CNKSR3: variants seen among roughly 807,000 people sequenced by gnomAD.
CNKSR3 encodes the protein connector enhancer of kinase suppressor of ras 3.
CNKSR3 carries 36 observed loss-of-function variants against 67.7 expected under a neutral mutation model. That is an observed-to-expected ratio of 0.53 (90% CI 0.41 to 0.70). CNKSR3 has a LOEUF of 0.70. Ranked by LOEUF, CNKSR3 falls within the 30% of genes least tolerant of loss-of-function variation. CNKSR3 has a pLI of 0.00. For synonymous variants in CNKSR3, 281 were observed against 271.4 expected, an observed-to-expected ratio of 1.04 and a Z score of -0.35; for missense variants, 630 against 695.2, an observed-to-expected ratio of 0.91 and a Z score of 1.05.
rs1469142702 is a variant in CNKSR3 at position 154,402,098 on chromosome 6, CA to C, written c.*4255del. 1 of 152,184 alleles carries C rather than the reference CA, an allele frequency of 6.6e-6. No homozygotes were observed. Among genetic ancestry groups the C allele is most frequent in the Non-Finnish European group, 1.5e-5 (1 of 68,040 alleles). The allele number at this position is 152,184 out of a possible 1,614,324, so 9.4% of individuals were successfully genotyped here. A position where few individuals can be genotyped will look rare whatever the true frequency, so the allele number is the denominator to read the frequency against. On this transcript the variant is annotated 3_prime_UTR_variant, in exon 13 of 13. Coordinates refer to ENST00000607772, the MANE Select transcript of CNKSR3 (RefSeq NM_173515.4). Reference sequence around the variant, plus strand: ...ACTGAAATACTACTTAAGGAGGATACAGGATTTCTTTTAAAATACTTGTTCT... The same window carrying C: ...ACTGAAATACTACTTAAGGAGGATACGGATTTCTTTTAAAATACTTGTTCT...
intron 1 of CNKSR3, among the ~76,000 whole-genome samples, chr6:154,505,692 G>A (rs775907329): frequency 4.0e-5 from 6 of 150,156 alleles, no homozygotes; most frequent in Non-Finnish European, 8.8e-5. Context: ...AGTAGAGATG[G>A]GGTTTCACCA....
chr6:154,438,466 T>C (rs954085160), intron 4 of CNKSR3, among the ~76,000 whole-genome samples: 4 of 152,222 alleles, frequency 2.6e-5, no homozygotes, highest in Non-Finnish European at 5.9e-5. Flanking sequence ...GCCTTTTTTC[T>C]TTTTTAACTC....
At chr6:154,486,281 T>TTCTC (rs892103231) in intron 1 of CNKSR3, among the ~76,000 whole-genome samples, 2 of 150,542 alleles carry the variant, frequency 1.3e-5, no homozygotes, top group Non-Finnish European at 3.0e-5. Flanking sequence ...GTCTTCTCTT[T>TTCTC]TCTCTCTCTC....
Position 154,472,933 on chromosome 6 carries a change from A to C in CNKSR3, c.53-22675T>G, listed in dbSNP as rs529918071. Among the ~76,000 whole-genome samples the C allele has an allele frequency of 2.6e-5, 4 of 152,260 alleles. No homozygotes were observed. The East Asian group carries it at 7.7e-4, about 29-fold the overall frequency. Reference sequence around the variant, plus strand: ...ACAATAGGAACCTCCCTTTCTTCTAAACTAAGTGAGGTATCGAGTCTATCA... The same window carrying C: ...ACAATAGGAACCTCCCTTTCTTCTACACTAAGTGAGGTATCGAGTCTATCA... On this transcript the variant is annotated intron_variant, in intron 1 of 12. Coordinates refer to ENST00000607772, the MANE Select transcript of CNKSR3 (RefSeq NM_173515.4).
At chr6:154,497,099 C>T (rs577111341) in intron 1 of CNKSR3, among the ~76,000 whole-genome samples, 2 of 152,054 alleles carry the variant, frequency 1.3e-5, no homozygotes, top group Non-Finnish European at 2.9e-5. Flanking sequence ...TGATAAAGGC[C>T]AGGCGCGGTG....
rs146779408 is a variant in CNKSR3, at chr6:154,394,536, G to C, written c.*11818C>G. On this transcript the variant is annotated 3_prime_UTR_variant, in exon 13 of 13. Transcript: ENST00000607772. ...GAACATCCAAAGTGGACGTTGATGAGGAAAATGTAAACTCTTAGTGTGTAA... is the reference window on the plus strand; with the variant it reads ...GAACATCCAAAGTGGACGTTGATGACGAAAATGTAAACTCTTAGTGTGTAA... The C allele has an allele frequency of 2.7e-5, 4 of 150,108 alleles. No individual in the cohort carries two copies. The highest frequency in any genetic ancestry group is 1.3e-4 in the Admixed American group (2 of 15,028). 9.3% of individuals were successfully genotyped at this position (150,108 alleles called of 1,614,324 possible). A position where few individuals can be genotyped will look rare whatever the true frequency, so the allele number is the denominator to read the frequency against.
In CNKSR3 at chr6:154,401,667, T is replaced by C. The variant is rs3822927; in HGVS notation, c.*4687A>G. ...TCTCCAAGGAAGTAGCTTGCAGTAG[T>C]CTCATCCCCACGGAAATGATGCAGT... On this transcript the variant is annotated 3_prime_UTR_variant, in exon 13 of 13. Coordinates refer to ENST00000607772, the MANE Select transcript of CNKSR3 (RefSeq NM_173515.4). 41,671 of 152,148 alleles carry C rather than the reference T, an allele frequency of 0.27. 6,205 individuals are homozygous for C. The highest frequency in any genetic ancestry group is 0.38 in the Admixed American group (5,801 of 15,276). 9.4% of individuals were successfully genotyped at this position (152,148 alleles called of 1,614,324 possible). A position where few individuals can be genotyped will look rare whatever the true frequency, so the allele number is the denominator to read the frequency against.
At chr6:154,498,263 C>A (rs75661401) in intron 1 of CNKSR3, among the ~76,000 whole-genome samples, 1 of 152,020 alleles carries the variant, frequency 6.6e-6, no homozygotes. Flanking sequence ...CTTACAGGTG[C>A]GCTTCTCACT....
chr6:154,412,512 C>A (rs1295761147), intron 10 of CNKSR3, among the ~76,000 whole-genome samples: 1 of 152,154 alleles, frequency 6.6e-6, no homozygotes, highest in Non-Finnish European at 1.5e-5. Context: ...TCTGATAGAA[C>A]AATCCACACA....
rs768242624 is a variant in CNKSR3 at position 154,403,062 on chromosome 6, G to A, written c.*3292C>T. The A allele has an allele frequency of 1.3e-5, 2 of 152,130 alleles. No individual in the cohort carries two copies. The highest frequency in any genetic ancestry group is 1.3e-4 in the Admixed American group (2 of 15,266). The allele number at this position is 152,130 out of a possible 1,614,324, so 9.4% of individuals were successfully genotyped here. A position where few individuals can be genotyped will look rare whatever the true frequency, so the allele number is the denominator to read the frequency against. On this transcript the variant is annotated 3_prime_UTR_variant, in exon 13 of 13. Coordinates refer to ENST00000607772, the MANE Select transcript of CNKSR3 (RefSeq NM_173515.4). ...ATAGTAAATGGAGTGATGTTTTTAT[G>A]AGTGAAGGTAAGCTTCATCATCCAT...
In CNKSR3 at chr6:154,398,046, A is replaced by G. The variant is rs1016544977; in HGVS notation, c.*8308T>C. ...TATGAACTGCAGATTATGCAGGTAA[A>G]ATATGGCCACATATCCACACCTTCA... On this transcript the variant is annotated 3_prime_UTR_variant, in exon 13 of 13. Coordinates refer to ENST00000607772, the MANE Select transcript of CNKSR3 (RefSeq NM_173515.4). 3.3e-5 allele frequency: 5 copies of G among 152,234 alleles called. No individual in the cohort carries two copies. The highest frequency in any genetic ancestry group is 1.2e-4 in the African/African-American group (5 of 41,464). 9.4% of individuals were successfully genotyped at this position (152,234 alleles called of 1,614,324 possible). A position where few individuals can be genotyped will look rare whatever the true frequency, so the allele number is the denominator to read the frequency against.
intron 7 of CNKSR3, among the ~76,000 whole-genome samples, chr6:154,424,228 C>A (rs1462433740): frequency 4.5e-5 from 5 of 111,524 alleles, no homozygotes; most frequent in Admixed American, 1.9e-4. Flanking sequence ...GAGACTCCGT[C>A]TCAAAAAAAA....
At chr6:154,463,205 G>T (rs555911460) in intron 1 of CNKSR3, among the ~76,000 whole-genome samples, 1 of 151,602 alleles carries the variant, frequency 6.6e-6, no homozygotes, top group Non-Finnish European at 1.5e-5. Context: ...GAGTAGCTGG[G>T]ACTACAGGCG....
intron 1 of CNKSR3, among the ~76,000 whole-genome samples, chr6:154,483,154 C>G (rs1284314727): frequency 2.6e-5 from 4 of 152,220 alleles, no homozygotes; most frequent in Non-Finnish European, 1.5e-5. Context: ...TTGAGTCTAA[C>G]CAAAGCATTC....
At chr6:154,422,406 G>C in intron 9 of CNKSR3, 100 bp downstream of exon 9, 1 of 1,209,202 alleles carries the variant, frequency 8.3e-7, no homozygotes, top group Non-Finnish European at 1.2e-6. Flanking sequence ...ACAAACTCCT[G>C]AAACCAATCA....
At chr6:154,490,393 G>A (rs1786761121) in intron 1 of CNKSR3, among the ~76,000 whole-genome samples, 1 of 152,038 alleles carries the variant, frequency 6.6e-6, no homozygotes, top group African/African-American at 2.4e-5. Context: ...ATATTTATAT[G>A]TATGTATCTA....
intron 7 of CNKSR3, among the ~76,000 whole-genome samples, chr6:154,424,242 AAAAAAAGAAAAG>A (rs1203577842): frequency 4.2e-4 from 63 of 148,236 alleles, no homozygotes; most frequent in Non-Finnish European, 1.2e-4. Flanking sequence ...AAAAAAAAAA[AAAAAAAGAAAAG>A]AAAAAAGAAA....
chr6:154,475,421 G>A (rs567500108), intron 1 of CNKSR3, among the ~76,000 whole-genome samples: 123 of 152,102 alleles, frequency 8.1e-4, no homozygotes, highest in African/African-American at 2.8e-3. Flanking sequence ...AAGTTTTCAC[G>A]CCCCCTCCCC....
At chr6:154,453,506 T>C (rs188876700) in intron 1 of CNKSR3, among the ~76,000 whole-genome samples, 1 of 152,242 alleles carries the variant, frequency 6.6e-6, no homozygotes, top group East Asian at 1.9e-4. Context: ...TTCCCTGAGA[T>C]GTAGAATTAT....
Sources: allele counts gnomAD v4.1 joint callset (sites outside exome capture counted in the v4.1 genomes callset), GRCh38; gene constraint gnomAD v4.1.1; transcripts MANE v1.5; gene names NCBI Gene and HGNC (gene_info 2026-07-23, HGNC 2026-07-21).